The following GGACT variants were observed in gnomAD, a reference collection of about 807,000 sequenced individuals.
The protein encoded by GGACT is gamma-glutamylaminecyclotransferase.
For missense variants in GGACT, 241 were observed against 233.2 expected (o/e 1.03, Z -0.22); for synonymous variants, 118 against 115.3 (o/e 1.02, Z -0.15).
intron 2 of GGACT, among the ~76,000 whole-genome samples, chr13:100,554,203 C>A (rs956327144): frequency 6.6e-6 from 1 of 152,146 alleles, no homozygotes; most frequent in Admixed American, 6.5e-5. Context: ...GTTGCCCACC[C>A]TTCCTTTATG....
At chr13:100,585,159 C>T (rs1875529305) in intron 1 of GGACT, among the ~76,000 whole-genome samples, 2 of 152,164 alleles carry the variant, frequency 1.3e-5, no homozygotes, top group South Asian at 2.1e-4. Flanking sequence ...TGTGAGGCAC[C>T]CTACAGGCAA....
chr13:100,559,467 G>A (rs545403316), intron 2 of GGACT, among the ~76,000 whole-genome samples: 35 of 149,854 alleles, frequency 2.3e-4, no homozygotes, highest in African/African-American at 6.4e-4. Context: ...GATTACAGGC[G>A]TGAGCCACCG....
At chr13:100,549,745 GGTGGCAGATA>G (rs2088639768) in intron 2 of GGACT, among the ~76,000 whole-genome samples, 1 of 152,224 alleles carries the variant, frequency 6.6e-6, no homozygotes, top group Admixed American at 6.5e-5. Flanking sequence ...TATAGCCAGA[GGTGGCAGATA>G]AAAGAAAGGA....
chr13:100,539,989 C>T (rs1453757519), intron 2 of GGACT: 28 of 1,522,788 alleles, frequency 1.8e-5, no homozygotes, highest in Admixed American at 3.3e-5. Context: ...TTCACGAGAT[C>T]GATTCCTGAC....
chr13:100,561,762 TG>T (rs569069414), intron 2 of GGACT, among the ~76,000 whole-genome samples: 2 of 152,134 alleles, frequency 1.3e-5, no homozygotes, highest in African/African-American at 2.4e-5. Flanking sequence ...TGCTGCTCAG[TG>T]GGGGGCTGGG....
At chr13:100,561,836 C>A (rs898140542) in intron 2 of GGACT, among the ~76,000 whole-genome samples, 1 of 152,222 alleles carries the variant, frequency 6.6e-6, no homozygotes, top group Non-Finnish European at 1.5e-5. Context: ...TCCAGTGAGA[C>A]CCTGGCACTT....
intron 2 of GGACT, among the ~76,000 whole-genome samples, chr13:100,562,152 G>A (rs1025576818): frequency 6.6e-6 from 1 of 152,008 alleles, no homozygotes; most frequent in African/African-American, 2.4e-5. Context: ...CAAATTACTG[G>A]AAGTACACAG....
At chr13:100,579,895 G>T (rs1366628139) in intron 2 of GGACT, 1 of 152,100 alleles carries the variant, frequency 6.6e-6, no homozygotes, top group East Asian at 1.9e-4. Context: ...GGGTAGAGAG[G>T]GATCACCCCC....
intron 1 of GGACT, among the ~76,000 whole-genome samples, chr13:100,585,878 C>T (rs1449571443): frequency 6.9e-6 from 1 of 144,252 alleles, no homozygotes; most frequent in Non-Finnish European, 1.5e-5. Context: ...GTGGCACATG[C>T]CTGTAATCCC....
chr13:100,556,895 G>A (rs1267898035), intron 2 of GGACT, among the ~76,000 whole-genome samples: 1 of 151,754 alleles, frequency 6.6e-6, no homozygotes, highest in Non-Finnish European at 1.5e-5. Context: ...TTTTTTTGAG[G>A]TGGAGTCTTG....
At position 100,530,228 on chromosome 13, in the gene GGACT, C is replaced by A; in HGVS notation, c.*1902G>T. 1 of 1,276,796 alleles carries A rather than the reference C, an allele frequency of 7.8e-7. No individual in the cohort carries two copies. The highest frequency in any genetic ancestry group is 2.3e-5 in the East Asian group (1 of 43,298). The allele number at this position is 1,276,796 out of a possible 1,614,324, so 79.1% of individuals were successfully genotyped here. A position where few individuals can be genotyped will look rare whatever the true frequency, so the allele number is the denominator to read the frequency against. The stretch of plus-strand genomic sequence containing the variant: ...TAGCCATTTGCATGATGCTTTCACA[C>A]ACAATTGATTCAAGCATTATACAGG... On this transcript the variant is annotated 3_prime_UTR_variant, in exon 3 of 3. Coordinates refer to ENST00000683975, the MANE Select transcript of GGACT (RefSeq NM_001195087.2).
intron 2 of GGACT, among the ~76,000 whole-genome samples, chr13:100,568,482 A>G (rs1199501483): frequency 1.6e-4 from 25 of 152,230 alleles, no homozygotes; most frequent in Admixed American, 1.6e-3. Context: ...GAACTAACTC[A>G]CTATCACGAG....
In GGACT at chr13:100,584,763, A is replaced by G. The variant is rs146543139; in HGVS notation, c.-183-766T>C. Among the ~76,000 whole-genome samples the G allele has an allele frequency of 4.6e-5, 7 of 152,294 alleles. No individual in the cohort carries two copies. The East Asian group carries it at 1.3e-3, about 29-fold the overall frequency. ...TACACATTGTATCTCATATACACCT[A>G]TTACTAGGTACCCACAAAAATTAAC... On this transcript the variant is annotated intron_variant, in intron 1 of 2. Coordinates refer to ENST00000683975, the MANE Select transcript of GGACT (RefSeq NM_001195087.2).
At chr13:100,563,662 A>G (rs985821616) in intron 2 of GGACT, among the ~76,000 whole-genome samples, 2 of 152,178 alleles carry the variant, frequency 1.3e-5, no homozygotes, top group African/African-American at 4.8e-5. Context: ...ACATTAATTA[A>G]TTAAACTAAA....
intron 2 of GGACT, among the ~76,000 whole-genome samples, chr13:100,577,836 G>A (rs767795922): frequency 2.6e-5 from 4 of 152,046 alleles, no homozygotes; most frequent in African/African-American, 7.2e-5. Context: ...AAGGGGAGAA[G>A]GAAAGGAGGG....
In GGACT at chr13:100,580,402, G is replaced by A. The variant is rs376989067; in HGVS notation, c.-11+3423C>T. 9.8e-4 allele frequency among the ~76,000 whole-genome samples: 149 copies of A among 152,360 alleles called. 1 individual carries two copies. Among genetic ancestry groups the A allele is most frequent in the African/African-American group, 3.3e-3 (137 of 41,588 alleles). ...GGCCATGTGAAGACACAGCAGAGCC[G>A]GGAGGTGTGCGACCACTTGCCGCAG... is the stretch of plus-strand genomic sequence containing the variant. On this transcript the variant is annotated intron_variant, in intron 2 of 2. Transcript: ENST00000683975.
chr13:100,539,664 C>A (rs550894176), intron 2 of GGACT: 4 of 520,752 alleles, frequency 7.7e-6, no homozygotes, highest in Admixed American at 7.5e-5. Context: ...CTGTAGTTTT[C>A]TTTCTTGGAG....
intron 2 of GGACT, among the ~76,000 whole-genome samples, chr13:100,569,359 C>T (rs1023270167): frequency 2.0e-5 from 3 of 152,232 alleles, no homozygotes; most frequent in Non-Finnish European, 2.9e-5. Context: ...AATTCTTGAC[C>T]GCTATGTACC....
At chr13:100,558,873 T>C (rs778965032) in intron 2 of GGACT, among the ~76,000 whole-genome samples, 2 of 152,024 alleles carry the variant, frequency 1.3e-5, no homozygotes, top group Non-Finnish European at 2.9e-5. Context: ...AGAGCACACA[T>C]TCACAGTTAG....
Sources: gnomAD v4.1 joint callset for allele counts (sites outside exome capture counted in the v4.1 genomes callset) on GRCh38, gnomAD v4.1.1 for gene constraint, MANE v1.5 for transcripts, NCBI Gene and HGNC (gene_info 2026-07-23, HGNC 2026-07-21) for gene names.